PIWIL2: variants seen among roughly 807,000 people sequenced by gnomAD.
PIWIL2 encodes piwi like RNA-mediated gene silencing 2, also known as piwi-like protein 2.
In PIWIL2, 81 loss-of-function variants were observed where a neutral mutation model predicts 116.5. The ratio of observed to expected loss-of-function variants is 0.70; its 90% CI spans 0.58 to 0.84. PIWIL2 has a LOEUF of 0.84. PIWIL2 is among the 40% of genes least tolerant of loss of function. The pLI is 0.00. For missense variants in PIWIL2, 1,272 were observed against 1,212.3 expected, an observed-to-expected ratio of 1.05 and a Z score of -0.73; for synonymous variants, 489 against 429.5, an observed-to-expected ratio of 1.14 and a Z score of -1.71.
intron 1 of PIWIL2, among the ~76,000 whole-genome samples, chr8:22,276,353 T>G (rs929998852): frequency 6.6e-6 from 1 of 152,242 alleles, no homozygotes; most frequent in Non-Finnish European, 1.5e-5. Context: ...TCTCGCTCCG[T>G]AGCGCAGGCT....
chr8:22,353,764 CTTTTTTTTTTT>C (rs760913894), intron 21 of PIWIL2, among the ~76,000 whole-genome samples: 7,214 of 68,600 alleles, frequency 0.11, 367 homozygotes, highest in Admixed American at 0.2. Context: ...GTTTCTACCA[CTTTTTTTTTTT>C]TTTTTTTTTT....
intron 20 of PIWIL2, among the ~76,000 whole-genome samples, chr8:22,338,643 C>CA (rs1832034931): frequency 6.6e-6 from 1 of 151,844 alleles, no homozygotes; most frequent in Admixed American, 6.6e-5. Flanking sequence ...TGTGAGCCAA[C>CA]ATCACGTCAC....
In PIWIL2 at chr8:22,356,393, C is replaced by T. The variant is rs1480047937; in HGVS notation, c.*888C>T. On this transcript the variant is annotated 3_prime_UTR_variant, in exon 23 of 23. Transcript: ENST00000356766. ...TGACGACTGTGACTTGAGTTGGATT[C>T]GAAAATGGCTTCCCTTGGCCTCTTG... is the stretch of plus-strand genomic sequence containing the variant. 3 of 152,164 alleles carry T rather than the reference C, an allele frequency of 2.0e-5. No homozygotes were observed. Among genetic ancestry groups the T allele is most frequent in the East Asian group, 1.9e-4 (1 of 5,198 alleles). 9.4% of individuals were successfully genotyped at this position (152,164 alleles called of 1,614,324 possible).
intron 20 of PIWIL2, among the ~76,000 whole-genome samples, chr8:22,347,213 A>ATTT (rs35121396): frequency 3.7e-5 from 5 of 135,224 alleles, no homozygotes; most frequent in Non-Finnish European, 6.3e-5. Context: ...CATTAACATA[A>ATTT]TTTTTTTTTT....
At chr8:22,289,994 G>GT (rs1460179061) in intron 9 of PIWIL2, 67 bp downstream of exon 9, 1 of 1,018,500 alleles carries the variant, frequency 9.8e-7, no homozygotes, top group African/African-American at 1.6e-5. Context: ...TACAACCATT[G>GT]TATTTAGTAC....
At chr8:22,311,416 AC>A in intron 16 of PIWIL2, 116 bp downstream of exon 16, 1 of 774,450 alleles carries the variant, frequency 1.3e-6, no homozygotes, top group Non-Finnish European at 2.1e-6. Context: ...AACTTGTCTT[AC>A]CCATGCGCAC....
chr8:22,296,020 CTTT>C (rs67357452), intron 10 of PIWIL2, among the ~76,000 whole-genome samples: 7 of 102,832 alleles, frequency 6.8e-5, no homozygotes, highest in African/African-American at 2.6e-4. Flanking sequence ...CTCTTCCCTT[CTTT>C]TTTTTTTTTT....
intron 20 of PIWIL2, among the ~76,000 whole-genome samples, chr8:22,335,072 A>AAAAAT (rs34666629): frequency 6.8e-6 from 1 of 146,246 alleles, no homozygotes. Flanking sequence ...AAAAAAAAAA[A>AAAAAT]GTCAATTTTA....
chr8:22,295,678 T>G (rs1445612708), intron 10 of PIWIL2, among the ~76,000 whole-genome samples: 1 of 152,144 alleles, frequency 6.6e-6, no homozygotes, highest in Non-Finnish European at 1.5e-5. Flanking sequence ...TGGCTTGGTG[T>G]TCTACCACCT....
chr8:22,325,481 CTTTT>C (rs749493740), intron 20 of PIWIL2, among the ~76,000 whole-genome samples: 79 of 95,024 alleles, frequency 8.3e-4, no homozygotes, highest in African/African-American at 2.1e-3. Flanking sequence ...TTGATTTAGT[CTTTT>C]TTTTTTTTTT....
At chr8:22,351,319 TAAAA>T (rs1031866170) in intron 20 of PIWIL2, among the ~76,000 whole-genome samples, 1 of 137,402 alleles carries the variant, frequency 7.3e-6, no homozygotes, top group Non-Finnish European at 1.6e-5. Context: ...CCTCAATTCT[TAAAA>T]AAAAAAACAA....
chr8:22,336,943 C>G (rs1831994263), intron 20 of PIWIL2, among the ~76,000 whole-genome samples: 1 of 152,082 alleles, frequency 6.6e-6, no homozygotes, highest in South Asian at 2.1e-4. Flanking sequence ...AACAGAAATA[C>G]AGGGATTATA....
intron 20 of PIWIL2, among the ~76,000 whole-genome samples, chr8:22,325,446 A>G (rs969475979): frequency 6.1e-5 from 9 of 147,986 alleles, no homozygotes; most frequent in African/African-American, 1.7e-4. Context: ...ATGGGACTCC[A>G]TGGTCTAAAA....
intron 20 of PIWIL2, among the ~76,000 whole-genome samples, chr8:22,318,866 T>C (rs1416022696): frequency 1.3e-5 from 2 of 152,268 alleles, no homozygotes; most frequent in African/African-American, 4.8e-5. Context: ...CTTCATGCCC[T>C]TATCGGGGAA....
Position 22,355,463 on chromosome 8 carries a change from T to C in PIWIL2, c.2880T>C (p.His960=). 6.2e-7 allele frequency: 1 copy of C among 1,614,208 alleles called. No individual in the cohort carries two copies. The highest frequency in any genetic ancestry group is 1.1e-5 in the South Asian group (1 of 91,078). Residue 960 remains histidine (H), a synonymous_variant, in exon 23 of 23, where the codon CAT becomes CAC. Transcript: ENST00000356766. ...TCCTGTCAGGACACATCTTGCATCA[T>C]GAACCAGCCATCCAGCTGTGCGAGA... ...LAFLSGHILH[H]EPAIQLCENL...
intron 20 of PIWIL2, among the ~76,000 whole-genome samples, chr8:22,325,099 A>G (rs1409782980): frequency 6.6e-6 from 1 of 152,202 alleles, no homozygotes; most frequent in African/African-American, 2.4e-5. Flanking sequence ...ATACTACATC[A>G]GGTAGGAAAA....
At position 22,279,308 on chromosome 8, in the gene PIWIL2, T is replaced by A. The variant is rs888347868; in HGVS notation, c.-46-33T>A. 1.1e-5 allele frequency: 13 copies of A among 1,149,686 alleles called. No individual in the cohort carries two copies. The East Asian group carries it at 2.8e-4, about 25-fold the overall frequency. The allele number at this position is 1,149,686 out of a possible 1,614,324, so 71.2% of individuals were successfully genotyped here. On this transcript the variant is annotated intron_variant, in intron 1 of 22. Transcript: ENST00000356766. ...GTGTCTTGAAGGAAAAGGAAAACAA[T>A]TGGGAATCTTAATCTTTTGAAAATG...
rs1416521753 is a variant in PIWIL2, at chr8:22,307,939, G to A, written c.1552G>A (p.Ala518Thr). 1 of 1,605,398 alleles carries A rather than the reference G, an allele frequency of 6.2e-7. No homozygotes were observed. The highest frequency in any genetic ancestry group is 8.5e-7 in the Non-Finnish European group (1 of 1,174,390). ...KKDFRAMKDL[A>T]QQINLSPKQH... ...TTATTTTAATTCTGTTTAGGATTTGGCTCAGCAAATCAATCTGAGCCCCAA... is the reference window on the plus strand; with the variant it reads ...TTATTTTAATTCTGTTTAGGATTTGACTCAGCAAATCAATCTGAGCCCCAA... Residue 518 changes from alanine (A) to threonine (T), a missense_variant, in exon 14 of 23, where the codon GCT becomes ACT. By Grantham distance (58) the Ala-to-Thr change is moderately conservative (BLOSUM62 0). Coordinates refer to ENST00000356766, the MANE Select transcript of PIWIL2 (RefSeq NM_018068.5).
chr8:22,307,635 C>T (rs1831218061), intron 13 of PIWIL2, among the ~76,000 whole-genome samples: 2 of 151,876 alleles, frequency 1.3e-5, no homozygotes, highest in Admixed American at 1.3e-4. Context: ...GGGCACGCAC[C>T]ACCATACCTG....
Sources: gnomAD v4.1 joint callset for allele counts (sites outside exome capture counted in the v4.1 genomes callset) on GRCh38, gnomAD v4.1.1 for gene constraint, MANE v1.5 for transcripts, NCBI Gene and HGNC (gene_info 2026-07-23, HGNC 2026-07-21) for gene names.